The following GLRB variants were observed in gnomAD, a reference collection of about 807,000 sequenced individuals.
The protein encoded by GLRB is glycine receptor subunit beta.
Under a neutral mutation model 54.2 loss-of-function variants are expected in GLRB, and 33 were observed. The observed-to-expected ratio is 0.61, with a 90% confidence interval of 0.46 to 0.81. GLRB has a LOEUF of 0.81. Ranked by LOEUF, GLRB falls within the 40% of genes least tolerant of loss-of-function variation. The probability of loss-of-function intolerance (pLI) is 0.00; values close to 1 mark genes in which losing one functional copy is unlikely to be tolerated. For synonymous variants in GLRB, 209 were observed against 208.2 expected, an observed-to-expected ratio of 1.00 and a Z score of -0.03; for missense variants, 572 against 584.6, an observed-to-expected ratio of 0.98 and a Z score of 0.22.
chr4:157,122,668 G>C (rs1458778706), intron 4 of GLRB, among the ~76,000 whole-genome samples: 1 of 151,682 alleles, frequency 6.6e-6, no homozygotes, highest in Non-Finnish European at 1.5e-5. Flanking sequence ...ATACAACCTG[G>C]AGAAAGCGCT....
intron 8 of GLRB, among the ~76,000 whole-genome samples, chr4:157,150,795 A>G (rs1485124986): frequency 6.6e-6 from 1 of 151,866 alleles, no homozygotes; most frequent in Non-Finnish European, 1.5e-5. Flanking sequence ...TTGAATCAGT[A>G]ACTGTTTTCA....
intron 2 of GLRB, among the ~76,000 whole-genome samples, chr4:157,108,049 T>C (rs1299580800): frequency 6.6e-6 from 1 of 152,104 alleles, no homozygotes; most frequent in African/African-American, 2.4e-5. Flanking sequence ...CATGATTTAC[T>C]GAAGACTTTA....
intron 2 of GLRB, among the ~76,000 whole-genome samples, chr4:157,116,602 T>C (rs1317319854): frequency 6.6e-6 from 1 of 151,788 alleles, no homozygotes; most frequent in Non-Finnish European, 1.5e-5. Flanking sequence ...AGGGAAAATA[T>C]GTTACATGCA....
intron 2 of GLRB, among the ~76,000 whole-genome samples, chr4:157,117,642 C>A (rs1205323223): frequency 6.6e-6 from 1 of 151,594 alleles, no homozygotes; most frequent in Admixed American, 6.6e-5. Context: ...TGCCACAGGA[C>A]AAAATGTTCT....
In GLRB at chr4:157,130,518, TA is replaced by T. The variant is rs1388083088; in HGVS notation, c.298-5950del. Among the ~76,000 whole-genome samples the T allele has an allele frequency of 6.6e-5, 10 of 151,830 alleles. No individual in the cohort carries two copies. The East Asian group carries it at 9.7e-4, about 15-fold the overall frequency. On this transcript the variant is annotated intron_variant, in intron 4 of 9. Coordinates refer to ENST00000264428, the MANE Select transcript of GLRB (RefSeq NM_000824.5). ...TGAACAAACCTATTCTTAGTCTTGA[TA>T]TTTTTTTGGTAATGTTTTGAAGGTT... is the stretch of plus-strand genomic sequence containing the variant.
intron 7 of GLRB, among the ~76,000 whole-genome samples, chr4:157,142,327 A>C (rs1736647890): frequency 6.6e-6 from 1 of 152,104 alleles, no homozygotes; most frequent in African/African-American, 2.4e-5. Context: ...TCAACTGTAA[A>C]AAAGAAACAC....
At chr4:157,136,777 A>T (rs373409710) in intron 5 of GLRB, 27 bp from the exon 6 acceptor site, 1 of 1,547,248 alleles carries the variant, frequency 6.5e-7, no homozygotes, top group African/African-American at 1.4e-5. Flanking sequence ...ATATTAAATT[A>T]TTTCTAAGAC....
chr4:157,137,002 G>C lies in GLRB; in HGVS notation c.610+116G>C, dbSNP rs1222049108. 1.0e-5 allele frequency: 7 copies of C among 681,180 alleles called. No individual in the cohort carries two copies. In the East Asian group the frequency reaches 1.9e-4, roughly 19 times the overall value. 42.2% of individuals were successfully genotyped at this position (681,180 alleles called of 1,614,324 possible). On this transcript the variant is annotated intron_variant, in intron 6 of 9. Coordinates refer to ENST00000264428, the MANE Select transcript of GLRB (RefSeq NM_000824.5). ...AAAACTAGTGCTTTGATTATAAATA[G>C]TCATTAAAATAATTTATTTAGGGAA...
intron 9 of GLRB, among the ~76,000 whole-genome samples, chr4:157,154,501 C>T (rs1296965550): frequency 3.6e-5 from 5 of 139,732 alleles, no homozygotes; most frequent in African/African-American, 1.4e-4. Context: ...GATCTCGGCT[C>T]ACCGCAACAT....
rs1579231804 is a variant in GLRB at position 157,138,951 on chromosome 4, T to G, written c.751+2T>G. 7.4e-7 allele frequency: 1 copy of G among 1,343,526 alleles called. No individual in the cohort carries two copies. Among genetic ancestry groups the G allele is most frequent in the Non-Finnish European group, 1.1e-6 (1 of 935,590 alleles). The allele number at this position is 1,343,526 out of a possible 1,614,324, so 83.2% of individuals were successfully genotyped here. A position where few individuals can be genotyped will look rare whatever the true frequency, so the allele number is the denominator to read the frequency against. ...GTACAAAATACTATAAAGGCACGGGTAAGTAATATTCTTTAAATAAAACGA... is the reference window on the plus strand; with the variant it reads ...GTACAAAATACTATAAAGGCACGGGGAAGTAATATTCTTTAAATAAAACGA... On this transcript the variant is annotated splice_donor_variant, in intron 7 of 9. Transcript: ENST00000264428. LOFTEE classifies it high-confidence loss of function.
chr4:157,088,514 T>C (rs1228053576), intron 2 of GLRB, among the ~76,000 whole-genome samples: 3 of 152,152 alleles, frequency 2.0e-5, no homozygotes, highest in African/African-American at 7.2e-5. Flanking sequence ...TAAATTTCTC[T>C]CTCCACATTG....
chr4:157,121,456 A>ATTT (rs34471702), intron 3 of GLRB, among the ~76,000 whole-genome samples: 96 of 136,436 alleles, frequency 7.0e-4, no homozygotes, highest in Middle Eastern at 3.8e-3. Context: ...ATAAGGCTTG[A>ATTT]TTTTTTTTTT....
At chr4:157,146,444 C>A (rs1435435537) in intron 8 of GLRB, among the ~76,000 whole-genome samples, 2 of 152,128 alleles carry the variant, frequency 1.3e-5, no homozygotes, top group Non-Finnish European at 2.9e-5. Flanking sequence ...AGAGCAGAAG[C>A]AAGGAAAGCA....
chr4:157,149,356 G>A (rs913762929), intron 8 of GLRB, among the ~76,000 whole-genome samples: 4 of 151,960 alleles, frequency 2.6e-5, no homozygotes, highest in Non-Finnish European at 5.9e-5. Flanking sequence ...AAGGACTTTT[G>A]TCTTAAGCTA....
chr4:157,129,601 G>A (rs1553996597), intron 4 of GLRB, among the ~76,000 whole-genome samples: 2 of 151,850 alleles, frequency 1.3e-5, no homozygotes, highest in African/African-American at 2.4e-5. Flanking sequence ...AATCTTTGAA[G>A]CACTTTCATA....
chr4:157,110,958 G>A (rs989236277), intron 2 of GLRB, among the ~76,000 whole-genome samples: 6 of 152,020 alleles, frequency 3.9e-5, no homozygotes, highest in Non-Finnish European at 8.8e-5. Flanking sequence ...CCAGATCTAT[G>A]ATCCATCTCT....
intron 4 of GLRB, among the ~76,000 whole-genome samples, chr4:157,125,779 A>AAAAT (rs1015018435): frequency 1.4e-4 from 21 of 151,978 alleles, no homozygotes; most frequent in South Asian, 4.1e-4. Flanking sequence ...CTAAAAATAC[A>AAAAT]AAATAAATAA....
chr4:157,159,152 G>A (rs1006467435), intron 9 of GLRB, among the ~76,000 whole-genome samples: 1 of 152,084 alleles, frequency 6.6e-6, no homozygotes, highest in African/African-American at 2.4e-5. Context: ...TGGTGTATAG[G>A]AATGCTTGTG....
intron 2 of GLRB, among the ~76,000 whole-genome samples, chr4:157,105,789 A>G (rs1340683113): frequency 2.0e-5 from 3 of 152,074 alleles, no homozygotes; most frequent in African/African-American, 7.2e-5. Context: ...TTCTATGATA[A>G]TAATTGACTT....
Sources: allele counts gnomAD v4.1 joint callset (sites outside exome capture counted in the v4.1 genomes callset), GRCh38; gene constraint gnomAD v4.1.1; transcripts MANE v1.5; gene names NCBI Gene and HGNC (gene_info 2026-07-23, HGNC 2026-07-21).